The following PLXNA1 variants were observed in gnomAD, a reference collection of about 807,000 sequenced individuals.
The protein encoded by PLXNA1 is plexin A1.
In PLXNA1, 77 loss-of-function variants were observed where a neutral mutation model predicts 191.7. The ratio of observed to expected loss-of-function variants is 0.40; its 90% CI spans 0.33 to 0.49. PLXNA1 has a LOEUF of 0.49. Ranked by LOEUF, PLXNA1 falls within the 20% of genes least tolerant of loss-of-function variation. The pLI is 0.63. For synonymous variants in PLXNA1, 1,137 were observed against 1,156.4 expected (o/e 0.98, Z 0.34); for missense variants, 2,110 against 2,660.2 (o/e 0.79, Z 4.55).
intron 31 of PLXNA1, among the ~76,000 whole-genome samples, chr3:127,033,686 AG>A: frequency 6.6e-6 from 1 of 152,266 alleles, no homozygotes; most frequent in East Asian, 1.9e-4. Flanking sequence ...CAGCATGGCC[AG>A]GCAGCCAAGG....
intron 9 of PLXNA1, 59 bp from the exon 10 acceptor site, chr3:127,011,899 G>A: frequency 6.8e-7 from 1 of 1,473,166 alleles, no homozygotes; most frequent in Non-Finnish European, 9.4e-7. Flanking sequence ...AGCGTAGTGG[G>A]GTGCACCTTG....
rs764241128 is a variant in PLXNA1, at chr3:126,989,334, G to T, written c.741G>T (p.Val247=). 6.2e-7 allele frequency: 1 copy of T among 1,613,662 alleles called. No homozygotes were observed. The highest frequency in any genetic ancestry group is 1.7e-5 in the Admixed American group (1 of 60,034). Residue 247 remains valine (V), a synonymous_variant, in exon 2 of 32, where the codon GTG becomes GTT. Transcript: ENST00000393409. ...SKFPAFDIYY[V]YSFRSEQFVY... is the part of the protein sequence containing the mutation. Reference sequence around the variant, plus strand: ...TCCCGGCCTTTGACATCTACTATGTGTACAGCTTCCGCAGCGAGCAGTTTG... The same window carrying T: ...TCCCGGCCTTTGACATCTACTATGTTTACAGCTTCCGCAGCGAGCAGTTTG...
At chr3:127,022,026 C>A in intron 21 of PLXNA1, 59 bp from the exon 22 acceptor site, 1 of 1,571,648 alleles carries the variant, frequency 6.4e-7, no homozygotes, top group South Asian at 1.2e-5. Flanking sequence ...CCTCACTGGT[C>A]AGCTTGGGGG....
chr3:127,021,559 C>A (rs1410927784), intron 21 of PLXNA1, among the ~76,000 whole-genome samples: 1 of 152,204 alleles, frequency 6.6e-6, no homozygotes, highest in Non-Finnish European at 1.5e-5. Context: ...AACCTTGTGT[C>A]CTCATCCATG....
chr3:127,028,644 G>A, intron 25 of PLXNA1: 1 of 527,976 alleles, frequency 1.9e-6, no homozygotes, highest in Non-Finnish European at 3.4e-6. Flanking sequence ...TTGAGGGCCA[G>A]AGGGGATGGG....
intron 3 of PLXNA1, among the ~76,000 whole-genome samples, chr3:127,000,270 G>A (rs968380358): frequency 7.9e-5 from 12 of 152,246 alleles, no homozygotes; most frequent in East Asian, 5.8e-4. Flanking sequence ...CCTGTGGCCC[G>A]TTCCCATGCC....
rs776205056 is a variant in PLXNA1, at chr3:126,988,778, A to AG, written c.187dup (p.Val63GlyfsTer11). The AG allele has an allele frequency of 6.2e-7, 1 of 1,607,756 alleles. No individual in the cohort carries two copies. Among genetic ancestry groups the AG allele is most frequent in the Non-Finnish European group, 8.5e-7 (1 of 1,176,370 alleles). Reference sequence around the variant, plus strand: ...CTAGTGGTGCATGAGCAGACAGGCGAGGTGTATGTGGGCGCAGTGAACCGC... The same window carrying AG: ...CTAGTGGTGCATGAGCAGACAGGCGAGGGTGTATGTGGGCGCAGTGAACCGC... On this transcript the variant is annotated frameshift_variant, in exon 2 of 32. Transcript: ENST00000393409. LOFTEE classifies it high-confidence loss of function.
At chr3:127,022,381 A>G (rs368082409) in intron 22 of PLXNA1, 40 bp downstream of exon 22, 2 of 1,593,054 alleles carry the variant, frequency 1.3e-6, no homozygotes, top group South Asian at 1.1e-5. Context: ...AGGCAGGCCC[A>G]TGCCTCCAGC....
chr3:127,017,276 C>A, intron 17 of PLXNA1, 149 bp from the exon 18 acceptor site: 1 of 1,221,046 alleles, frequency 8.2e-7, no homozygotes, highest in Non-Finnish European at 1.1e-6. Flanking sequence ...CCCTGGTCCA[C>A]GTCGGGTGGG....
intron 10 of PLXNA1, 94 bp from the exon 11 acceptor site, chr3:127,013,926 C>A: frequency 8.8e-7 from 1 of 1,137,994 alleles, no homozygotes; most frequent in African/African-American, 1.5e-5. Flanking sequence ...GAAACTTCCC[C>A]CTAAGCTGGC....
In PLXNA1 at chr3:127,014,270, C is replaced by G. The variant is rs556418302; in HGVS notation, c.2499C>G (p.Ala833=). 6.3e-6 allele frequency: 10 copies of G among 1,596,494 alleles called. No homozygotes were observed. The African/African-American group carries it at 6.7e-5, about 11-fold the overall frequency. ...DPRFECGWCV[A]ERRCSLRHHC... ...GCTTCGAGTGCGGATGGTGCGTGGCCGAGCGCCGCTGCTCCCTGCGACACC... is the reference window on the plus strand; with the variant it reads ...GCTTCGAGTGCGGATGGTGCGTGGCGGAGCGCCGCTGCTCCCTGCGACACC... The change falls in exon 12 of 32, where the codon GCC becomes GCG. Residue 833 remains alanine (A), a synonymous_variant. Coordinates refer to ENST00000393409, the MANE Select transcript of PLXNA1 (RefSeq NM_032242.4).
In PLXNA1 at chr3:127,009,246, T is replaced by C. The variant is rs147129173; in HGVS notation, c.2112+1333T>C. Among the ~76,000 whole-genome samples, 271 of 152,192 alleles carry C rather than the reference T, an allele frequency of 1.8e-3. 2 individuals carry two copies. Among genetic ancestry groups the C allele is most frequent in the Middle Eastern group, 0.017 (5 of 294 alleles). On this transcript the variant is annotated intron_variant, in intron 9 of 31. Transcript: ENST00000393409. Reference sequence around the variant, plus strand: ...GCTTGGGATGGTTTTGGGGCTGAGATAGCCCAATTCCTCAGTGGCAGCCTT... The same window carrying C: ...GCTTGGGATGGTTTTGGGGCTGAGACAGCCCAATTCCTCAGTGGCAGCCTT...
At chr3:127,015,364 C>T in intron 15 of PLXNA1, 44 bp downstream of exon 15, 1 of 1,578,142 alleles carries the variant, frequency 6.3e-7, no homozygotes, top group African/African-American at 1.3e-5. Context: ...GCCCCTCCTC[C>T]TGTTTCAGAT....
At chr3:126,992,443 GC>G (rs907786579) in intron 3 of PLXNA1, among the ~76,000 whole-genome samples, 54 of 152,258 alleles carry the variant, frequency 3.5e-4, no homozygotes, top group Middle Eastern at 3.4e-3. Flanking sequence ...CCGGGGGCTG[GC>G]CAGGGCTTGC....
intron 29 of PLXNA1, among the ~76,000 whole-genome samples, 157 bp downstream of exon 29, chr3:127,030,569 G>A (rs1428482027): frequency 2.6e-5 from 4 of 152,192 alleles, no homozygotes; most frequent in Non-Finnish European, 5.9e-5. Context: ...TGTGCTAACT[G>A]GCCTTCCCTA....
rs557431627 is a variant in PLXNA1 at position 127,016,664 on chromosome 3, C to A, written c.3162C>A (p.Asp1054Glu). The A allele has an allele frequency of 1.9e-6, 3 of 1,614,010 alleles. No homozygotes were observed. Among genetic ancestry groups the A allele is most frequent in the Non-Finnish European group, 2.5e-6 (3 of 1,179,952 alleles). Residue 1054 changes from aspartate to glutamate, a missense_variant, in exon 16 of 32, where the codon GAC (aspartate) becomes GAA (glutamate). By Grantham distance (45) the Asp-to-Glu change is conservative. Coordinates refer to ENST00000393409, the MANE Select transcript of PLXNA1 (RefSeq NM_032242.4). The part of the protein sequence containing the change: ...YTEDPTILRI[D>E]PEWSINSGGT... The stretch of plus-strand genomic sequence containing the variant: ...AGGACCCCACCATCCTGAGGATCGA[C>A]CCCGAGTGGAGCATCAACAGGTGGG...
chr3:127,029,605 C>T (rs2079195733), intron 27 of PLXNA1, 69 bp downstream of exon 27: 1 of 1,511,664 alleles, frequency 6.6e-7, no homozygotes, highest in African/African-American at 1.4e-5. Context: ...GTCCCCCGGG[C>T]TCCCACGCTG....
rs769508018 is a variant in PLXNA1 at position 127,034,032 on chromosome 3, C to T, written c.*15C>T. The T allele has an allele frequency of 2.5e-6, 4 of 1,582,584 alleles. No homozygotes were observed. The highest frequency in any genetic ancestry group is 4.6e-5 in the East Asian group (2 of 43,922). On this transcript the variant is annotated 3_prime_UTR_variant, in exon 32 of 32. Transcript: ENST00000393409. ...TGAGCAGCTGAGCCCCAGCTGTGAT[C>T]ATCCAGCATGATGCAGCGTGAGGAC... is the stretch of plus-strand genomic sequence containing the variant.
intron 23 of PLXNA1, among the ~76,000 whole-genome samples, chr3:127,023,064 G>A (rs896337141): frequency 2.6e-5 from 4 of 152,186 alleles, no homozygotes; most frequent in Admixed American, 6.5e-5. Flanking sequence ...GTGGGAGTTC[G>A]GATACAGGCT....
Sources: allele counts gnomAD v4.1 joint callset (sites outside exome capture counted in the v4.1 genomes callset), GRCh38; gene constraint gnomAD v4.1.1; transcripts MANE v1.5; gene names NCBI Gene and HGNC (gene_info 2026-07-23, HGNC 2026-07-21).